Variants in CCDC7 observed in about 807,000 individuals in gnomAD.
CCDC7 encodes the protein coiled-coil domain containing 7.
A neutral mutation model predicts 196.9 loss-of-function variants in CCDC7; 183 were observed. The ratio of observed to expected loss-of-function variants is 0.93; its 90% CI spans 0.82 to 1.05. CCDC7 has a LOEUF of 1.05. Among genes scored for constraint, CCDC7 ranks in the 50% least tolerant of loss-of-function variants. CCDC7 has a pLI of 0.00. For synonymous variants in CCDC7, 525 were observed against 484.6 expected (o/e 1.08, Z -1.10); for missense variants, 1,540 against 1,482.2 (o/e 1.04, Z -0.64).
chr10:32,548,385 C>T (rs1297263361), intron 13 of CCDC7, among the ~76,000 whole-genome samples: 3 of 152,010 alleles, frequency 2.0e-5, no homozygotes, highest in South Asian at 2.1e-4. Flanking sequence ...TGACTCAGGA[C>T]GGAGCAGGTG....
intron 22 of CCDC7, among the ~76,000 whole-genome samples, chr10:32,688,412 C>G (rs2076710225): frequency 6.6e-6 from 1 of 152,142 alleles, no homozygotes; most frequent in African/African-American, 2.4e-5. Context: ...TAACAAACTA[C>G]TTTGTTTTCT....
At chr10:32,463,124 G>T in intron 5 of CCDC7, 75 bp downstream of exon 6, 2 of 1,559,896 alleles carry the variant, frequency 1.3e-6, no homozygotes, top group East Asian at 4.6e-5. Flanking sequence ...TTATGTATAA[G>T]TTAAGTATGT....
chr10:32,828,485 G>GAAGAAGAAGAAGAAAGAA (rs1491309680), intron 32 of CCDC7, among the ~76,000 whole-genome samples: 1 of 49,676 alleles, frequency 2.0e-5, no homozygotes, highest in African/African-American at 6.3e-5. Flanking sequence ...AAGAGGAAGA[G>GAAGAAGAAGAAGAAAGAA]GAAGAAGAAG....
chr10:32,797,961 G>C (rs951420283), intron 29 of CCDC7, among the ~76,000 whole-genome samples: 3 of 152,194 alleles, frequency 2.0e-5, no homozygotes, highest in Non-Finnish European at 4.4e-5. Flanking sequence ...AGGGAACATG[G>C]TAAGACCAGT....
At chr10:32,673,370 G>A (rs1210769063) in intron 21 of CCDC7, among the ~76,000 whole-genome samples, 1 of 152,000 alleles carries the variant, frequency 6.6e-6, no homozygotes, top group Non-Finnish European at 1.5e-5. Context: ...ACTTTGGGTA[G>A]TATGGGCATT....
chr10:32,776,912 T>C (rs1398141027), intron 28 of CCDC7, among the ~76,000 whole-genome samples: 1 of 152,184 alleles, frequency 6.6e-6, no homozygotes, highest in Admixed American at 6.5e-5. Context: ...TTTTTACTTT[T>C]TCAGCTTCTA....
intron 30 of CCDC7, among the ~76,000 whole-genome samples, chr10:32,808,100 C>A (rs1429867134): frequency 6.6e-6 from 1 of 152,172 alleles, no homozygotes; most frequent in Non-Finnish European, 1.5e-5. Context: ...CTCTCCCTGA[C>A]AACTGCCATT....
chr10:32,729,722 T>C (rs2083637110), intron 28 of CCDC7, among the ~76,000 whole-genome samples: 1 of 152,082 alleles, frequency 6.6e-6, no homozygotes. Context: ...TGTGTGTGTG[T>C]GCAAGTAAAC....
chr10:32,569,573 C>A (rs1239659387), intron 15 of CCDC7, among the ~76,000 whole-genome samples: 1 of 151,984 alleles, frequency 6.6e-6, no homozygotes, highest in African/African-American at 2.4e-5. Flanking sequence ...ATTACAGGAG[C>A]CTGACACCAT....
At chr10:32,493,027 T>C (rs2042379883) in intron 9 of CCDC7, among the ~76,000 whole-genome samples, 1 of 152,080 alleles carries the variant, frequency 6.6e-6, no homozygotes, top group East Asian at 1.9e-4. Context: ...GTGGAATCGC[T>C]AAATCAAGCT....
At chr10:32,870,225 C>G (rs1325147488) in intron 41 of CCDC7, among the ~76,000 whole-genome samples, 1 of 152,096 alleles carries the variant, frequency 6.6e-6, no homozygotes, top group Non-Finnish European at 1.5e-5. Flanking sequence ...TCTTCCTACC[C>G]ATGAGCATGG....
In CCDC7 at chr10:32,762,540, A is replaced by G. The variant is rs571437152; in HGVS notation, c.2906-16437A>G. On this transcript the variant is annotated intron_variant, in intron 28 of 41. Transcript: ENST00000639629. The stretch of plus-strand genomic sequence containing the variant: ...TCAAGTAGCCAAAACAGTCTTTAAA[A>G]AGAAAAACAAAGTTGCAGGCATCAC... Among the ~76,000 whole-genome samples the G allele has an allele frequency of 1.7e-4, 26 of 151,920 alleles. No individual in the cohort carries two copies. In the East Asian group the frequency reaches 4.8e-3, roughly 28 times the overall value.
intron 18 of CCDC7, among the ~76,000 whole-genome samples, chr10:32,609,641 G>A (rs1196262322): frequency 6.6e-6 from 1 of 152,170 alleles, no homozygotes. Context: ...ATCTCATGTT[G>A]AATTGTAATC....
At chr10:32,688,643 A>G (rs2076731406) in intron 22 of CCDC7, among the ~76,000 whole-genome samples, 1 of 152,112 alleles carries the variant, frequency 6.6e-6, no homozygotes, top group African/African-American at 2.4e-5. Flanking sequence ...ATTATAGCCC[A>G]TAGTTGATAT....
intron 16 of CCDC7, among the ~76,000 whole-genome samples, chr10:32,573,660 G>A (rs2057852453): frequency 6.6e-6 from 1 of 152,016 alleles, no homozygotes; most frequent in Non-Finnish European, 1.5e-5. Context: ...GGATGATGGG[G>A]AATATAGTAC....
At chr10:32,824,557 C>T (rs752889474) in exon 32 of CCDC7, 16 of 1,611,976 alleles carry the variant, frequency 9.9e-6, no homozygotes, top group Non-Finnish European at 1.4e-5. Context: ...GAGAGAGGTA[C>T]AATAAATGAT....
At chr10:32,561,344 T>C (rs2055576244) in intron 13 of CCDC7, among the ~76,000 whole-genome samples, 1 of 152,188 alleles carries the variant, frequency 6.6e-6, no homozygotes, top group South Asian at 2.1e-4. Flanking sequence ...CAACAGGATA[T>C]ACATTTTTTT....
At chr10:32,635,536 G>A (rs1564902256) in intron 20 of CCDC7, among the ~76,000 whole-genome samples, 1 of 152,164 alleles carries the variant, frequency 6.6e-6, no homozygotes, top group East Asian at 1.9e-4. Context: ...CATAATCCCA[G>A]CACTTTGGGA....
At chr10:32,784,216 T>G (rs1390784054) in intron 29 of CCDC7, among the ~76,000 whole-genome samples, 1 of 152,168 alleles carries the variant, frequency 6.6e-6, no homozygotes, top group Non-Finnish European at 1.5e-5. Context: ...AAATTTTATT[T>G]TATTTTATTT....
Sources: allele counts gnomAD v4.1 joint callset (sites outside exome capture counted in the v4.1 genomes callset), GRCh38; gene constraint gnomAD v4.1.1; transcripts MANE v1.5; gene names NCBI Gene and HGNC (gene_info 2026-07-23, HGNC 2026-07-21).